The following CTDSP2 variants were observed in gnomAD, a reference collection of about 807,000 sequenced individuals.
CTDSP2 encodes the protein CTD small phosphatase 2.
CTDSP2 carries 9 observed loss-of-function variants against 31.6 expected under a neutral mutation model. That is an observed-to-expected ratio of 0.28 (90% CI 0.17 to 0.50). The LOEUF (loss-of-function observed/expected upper bound fraction) is 0.50, where lower values mean the gene tolerates loss of function less well. CTDSP2 is among the 20% of genes least tolerant of loss of function. CTDSP2 has a pLI of 0.98. For synonymous variants in CTDSP2, 134 were observed against 134.5 expected, an observed-to-expected ratio of 1.00 and a Z score of 0.03; for missense variants, 267 against 348.5, an observed-to-expected ratio of 0.77 and a Z score of 1.86.
At chr12:57,834,048 A>G (rs1357731671) in intron 1 of CTDSP2, among the ~76,000 whole-genome samples, 2 of 152,252 alleles carry the variant, frequency 1.3e-5, no homozygotes, top group Admixed American at 1.3e-4. Context: ...ATTTGAACTC[A>G]GATCTGCCTG....
Position 57,832,615 on chromosome 12 carries a change from A to T in CTDSP2, c.65-3019T>A, listed in dbSNP as rs553022855. Among the ~76,000 whole-genome samples the T allele has an allele frequency of 2.0e-5, 3 of 152,070 alleles. No homozygotes were observed. In the South Asian group the frequency reaches 6.2e-4, roughly 32 times the overall value. On this transcript the variant is annotated intron_variant, in intron 1 of 7. Coordinates refer to ENST00000398073, the MANE Select transcript of CTDSP2 (RefSeq NM_005730.4). Reference sequence around the variant, plus strand: ...GAGACCAGCCTGGCCAACATGGTGAAACACCGTCTCTATTAAAAATACAAA... The same window carrying T: ...GAGACCAGCCTGGCCAACATGGTGATACACCGTCTCTATTAAAAATACAAA...
In CTDSP2 at chr12:57,844,915, C is replaced by A. The variant is rs1592245198; in HGVS notation, c.64+1457G>T. Among the ~76,000 whole-genome samples the A allele has an allele frequency of 4.8e-5, 7 of 147,266 alleles. 1 individual carries two copies. The Middle Eastern group carries it at 0.017, about 360-fold the overall frequency. On this transcript the variant is annotated intron_variant, in intron 1 of 7. Transcript: ENST00000398073. ...TGCCTCCCTCCCCCCACCCTTCCCC[C>A]CTCCCAGCTCCTCTCGTTCCACTGA...
chr12:57,822,290 TA>T lies in CTDSP2; in HGVS notation c.*1311del, dbSNP rs1956151391. On this transcript the variant is annotated 3_prime_UTR_variant, in exon 8 of 8. Coordinates refer to ENST00000398073, the MANE Select transcript of CTDSP2 (RefSeq NM_005730.4). The stretch of plus-strand genomic sequence containing the variant: ...ATGACTTTAATTTTAAAGCATTCAC[TA>T]TTAAGAACCTTTGAAAGCAGGAGAC... 1 of 152,296 alleles carries T rather than the reference TA, an allele frequency of 6.6e-6. No individual in the cohort carries two copies. Among genetic ancestry groups the T allele is most frequent in the African/African-American group, 2.4e-5 (1 of 41,444 alleles). 9.4% of individuals were successfully genotyped at this position (152,296 alleles called of 1,614,324 possible).
At chr12:57,826,284 A>C (rs1200983381) in intron 5 of CTDSP2, 62 bp downstream of exon 5, 1 of 1,472,076 alleles carries the variant, frequency 6.8e-7, no homozygotes, top group East Asian at 2.3e-5. Flanking sequence ...ACCCCAGTAC[A>C]GGTGAGGCAG....
At chr12:57,838,702 CA>C (rs1465719549) in intron 1 of CTDSP2, among the ~76,000 whole-genome samples, 1 of 152,226 alleles carries the variant, frequency 6.6e-6, no homozygotes, top group Non-Finnish European at 1.5e-5. Context: ...AGTGGTGACA[CA>C]AGGCACCCAG....
intron 1 of CTDSP2, among the ~76,000 whole-genome samples, chr12:57,832,335 G>A (rs1264526070): frequency 6.6e-6 from 1 of 152,188 alleles, no homozygotes; most frequent in East Asian, 1.9e-4. Flanking sequence ...TTGTGCTGGG[G>A]ACATCCCCCA....
chr12:57,846,539 A>G lies in CTDSP2; in HGVS notation c.-104T>C. The G allele has an allele frequency of 1.1e-6, 1 of 895,348 alleles. No individual in the cohort carries two copies. The highest frequency in any genetic ancestry group is 1.6e-6 in the Non-Finnish European group (1 of 627,710). The allele number at this position is 895,348 out of a possible 1,614,324, so 55.5% of individuals were successfully genotyped here. A position where few individuals can be genotyped will look rare whatever the true frequency, so the allele number is the denominator to read the frequency against. The stretch of plus-strand genomic sequence containing the variant: ...GCGGGGGCCCGCTCCGGCTCCCGAG[A>G]CTCCGACTTCCACAGCTGTTCACAT... On this transcript the variant is annotated 5_prime_UTR_variant, in exon 1 of 8. Transcript: ENST00000398073.
At chr12:57,832,758 C>G (rs1956223579) in intron 1 of CTDSP2, among the ~76,000 whole-genome samples, 1 of 118,002 alleles carries the variant, frequency 8.5e-6, no homozygotes, top group South Asian at 2.8e-4. Context: ...GGCCACTGCA[C>G]TCTAGCCTGG....
chr12:57,829,638 T>C (rs760760233), intron 1 of CTDSP2, 42 bp from the exon 2 acceptor site: 2 of 1,578,510 alleles, frequency 1.3e-6, no homozygotes, highest in East Asian at 2.3e-5. Flanking sequence ...TCTAGGGACA[T>C]CAGTTTCTGT....
At chr12:57,846,024 T>C (rs902380525) in intron 1 of CTDSP2, among the ~76,000 whole-genome samples, 12 of 151,652 alleles carry the variant, frequency 7.9e-5, no homozygotes, top group African/African-American at 2.9e-4. Flanking sequence ...CGCGCGGCGG[T>C]GAAGGAAAGT....
At chr12:57,832,790 TAAAAAAAAA>T (rs61390174) in intron 1 of CTDSP2, among the ~76,000 whole-genome samples, 9 of 44,896 alleles carry the variant, frequency 2.0e-4, no homozygotes, top group East Asian at 1.2e-3. Context: ...AGACTCTGGC[TAAAAAAAAA>T]AAAAAAAAAA....
At chr12:57,826,901 T>C (rs766130302) in intron 4 of CTDSP2, 95 bp downstream of exon 4, 10 of 998,428 alleles carry the variant, frequency 1.0e-5, no homozygotes, top group Non-Finnish European at 1.5e-5. Flanking sequence ...CTAATCACTC[T>C]TCTTTCCTCA....
At chr12:57,843,198 G>A (rs1956293391) in intron 1 of CTDSP2, among the ~76,000 whole-genome samples, 1 of 152,206 alleles carries the variant, frequency 6.6e-6, no homozygotes. Flanking sequence ...AGGTTACAGC[G>A]TGGGTCTTGT....
intron 1 of CTDSP2, among the ~76,000 whole-genome samples, chr12:57,840,886 T>C (rs1239128657): frequency 1.3e-5 from 2 of 152,086 alleles, no homozygotes; most frequent in Non-Finnish European, 2.9e-5. Context: ...CACTTTTGCC[T>C]AGAGGGAGGC....
chr12:57,826,399 T>A lies in CTDSP2; in HGVS notation c.358A>T (p.Ile120Phe). Reference protein sequence around the residue: ...ETLVHSSFKPINNADFIVPIE... With the variant: ...ETLVHSSFKPFNNADFIVPIE... The stretch of plus-strand genomic sequence containing the variant: ...GGCACTATGAAGTCAGCATTGTTGA[T>A]TGGCTGGAAGGCAGAAAAGTTAATG... The change falls in exon 5 of 8, where the codon ATC becomes TTC. Residue 120 changes from isoleucine to phenylalanine, a missense_variant. By Grantham distance (21) the Ile-to-Phe change is conservative. Coordinates refer to ENST00000398073, the MANE Select transcript of CTDSP2 (RefSeq NM_005730.4). The A allele has an allele frequency of 6.2e-7, 1 of 1,614,086 alleles. No homozygotes were observed. The highest frequency in any genetic ancestry group is 8.5e-7 in the Non-Finnish European group (1 of 1,179,986).
In CTDSP2 at chr12:57,836,092, C is replaced by G. The variant is rs140610219; in HGVS notation, c.65-6496G>C. Among the ~76,000 whole-genome samples, 347 of 152,220 alleles carry G rather than the reference C, an allele frequency of 2.3e-3. 3 individuals are homozygous for G. Among genetic ancestry groups the G allele is most frequent in the African/African-American group, 8.0e-3 (331 of 41,522 alleles). Reference sequence around the variant, plus strand: ...CAGGAGGCCAGCAACAGACCAGGAGCCCTCCCACCATCATCACGTGGATGA... The same window carrying G: ...CAGGAGGCCAGCAACAGACCAGGAGGCCTCCCACCATCATCACGTGGATGA... On this transcript the variant is annotated intron_variant, in intron 1 of 7. Transcript: ENST00000398073.
At chr12:57,837,718 T>A (rs947370407) in intron 1 of CTDSP2, among the ~76,000 whole-genome samples, 12 of 151,980 alleles carry the variant, frequency 7.9e-5, no homozygotes, top group African/African-American at 1.9e-4. Flanking sequence ...AAATAAAATT[T>A]AAAAAATTAA....
intron 7 of CTDSP2, 25 bp downstream of exon 7, chr12:57,823,879 G>T (rs375983786): frequency 6.2e-6 from 10 of 1,612,746 alleles, no homozygotes; most frequent in Non-Finnish European, 8.5e-6. Context: ...AATCCCTACC[G>T]TGGAGACGCA....
chr12:57,829,086 C>T (rs571796551), intron 2 of CTDSP2, among the ~76,000 whole-genome samples: 1 of 152,346 alleles, frequency 6.6e-6, no homozygotes, highest in African/African-American at 2.4e-5. Context: ...TCAGGTGCTA[C>T]ATAAACCCTC....
Sources: allele counts gnomAD v4.1 joint callset (sites outside exome capture counted in the v4.1 genomes callset), GRCh38; gene constraint gnomAD v4.1.1; transcripts MANE v1.5; gene names NCBI Gene and HGNC (gene_info 2026-07-23, HGNC 2026-07-21).